Variants in SUPT3H observed in about 807,000 individuals in gnomAD.
SUPT3H encodes the protein SPT3 homolog, SAGA and STAGA complex component.
SUPT3H carries 44 observed loss-of-function variants against 44.3 expected under a neutral mutation model. The ratio of observed to expected loss-of-function variants is 0.99; its 90% CI spans 0.78 to 1.28. SUPT3H has a LOEUF of 1.28. SUPT3H is among the 50% of genes most tolerant of loss of function. The pLI is 0.00. For synonymous variants in SUPT3H, 124 were observed against 125.6 expected (o/e 0.99, Z 0.09); for missense variants, 380 against 387.1 (o/e 0.98, Z 0.15).
intron 3 of SUPT3H, among the ~76,000 whole-genome samples, chr6:45,023,359 A>T (rs1453003561): frequency 1.3e-5 from 2 of 152,074 alleles, no homozygotes; most frequent in Non-Finnish European, 2.9e-5. Context: ...ACCATTGTGG[A>T]AAGCGGTATG....
chr6:45,186,760 C>T (rs535596915), intron 2 of SUPT3H, among the ~76,000 whole-genome samples: 1 of 152,294 alleles, frequency 6.6e-6, no homozygotes, highest in Admixed American at 6.5e-5. Context: ...GATTTTCTGA[C>T]ATTCCCATGA....
chr6:45,146,302 A>G (rs1202728042), intron 2 of SUPT3H, among the ~76,000 whole-genome samples: 1 of 152,080 alleles, frequency 6.6e-6, no homozygotes, highest in African/African-American at 2.4e-5. Flanking sequence ...TAAAGAAAAT[A>G]TATGTATATA....
At chr6:45,186,087 G>A (rs1814160449) in intron 2 of SUPT3H, among the ~76,000 whole-genome samples, 1 of 152,182 alleles carries the variant, frequency 6.6e-6, no homozygotes, top group African/African-American at 2.4e-5. Flanking sequence ...GTGGGCTGAG[G>A]AGGTGAACAT....
At chr6:44,905,692 A>T (rs2153450572) in intron 10 of SUPT3H, among the ~76,000 whole-genome samples, 1 of 152,302 alleles carries the variant, frequency 6.6e-6, no homozygotes, top group South Asian at 2.1e-4. Flanking sequence ...AGGATTATAA[A>T]TCATGTTGCT....
rs149333768 is a variant in SUPT3H at position 44,867,338 on chromosome 6, T to C, written c.913-37481A>G. Among the ~76,000 whole-genome samples the C allele has an allele frequency of 6.2e-4, 94 of 152,080 alleles. No individual in the cohort carries two copies. In the East Asian group the frequency reaches 0.015, roughly 25 times the overall value. On this transcript the variant is annotated intron_variant, in intron 10 of 10. Transcript: ENST00000371459. ...AGTTAATTTTCATATTTTTAGTAGA[T>C]ACATGTTGGCCGGGCTGGTTTCGAA...
At chr6:44,870,480 T>A (rs560634023) in intron 10 of SUPT3H, among the ~76,000 whole-genome samples, 1 of 150,864 alleles carries the variant, frequency 6.6e-6, no homozygotes, top group African/African-American at 2.4e-5. Flanking sequence ...ACACCTGTAG[T>A]CCCAGCTACT....
chr6:45,014,878 C>CA lies in SUPT3H; in HGVS notation c.286_287insT (p.Arg96MetfsTer21). 2 of 1,561,968 alleles carry CA rather than the reference C, an allele frequency of 1.3e-6. No homozygotes were observed. The highest frequency in any genetic ancestry group is 1.7e-6 in the Non-Finnish European group (2 of 1,158,836). On this transcript the variant is annotated frameshift_variant, in exon 5 of 11. Transcript: ENST00000371459. LOFTEE classifies it high-confidence loss of function. ...TCGGATAAACATGTATTTTAGCAGT[C>CA]TTCTAAGTTTTTTCTATTAAAAATA...
intron 10 of SUPT3H, among the ~76,000 whole-genome samples, chr6:44,909,796 A>G (rs1323590074): frequency 6.6e-6 from 1 of 152,176 alleles, no homozygotes; most frequent in Non-Finnish European, 1.5e-5. Flanking sequence ...GGGCATTACA[A>G]GTCTTCAGGA....
At chr6:44,905,133 C>T (rs1394482481) in intron 10 of SUPT3H, among the ~76,000 whole-genome samples, 1 of 152,104 alleles carries the variant, frequency 6.6e-6, no homozygotes, top group Admixed American at 6.5e-5. Context: ...GTCTAAAACA[C>T]CAAAAGCAAT....
intron 3 of SUPT3H, among the ~76,000 whole-genome samples, chr6:45,069,875 C>G (rs986575891): frequency 6.6e-6 from 1 of 151,642 alleles, no homozygotes; most frequent in African/African-American, 2.4e-5. Context: ...AAAAAAAATA[C>G]ATTAGCTCCC....
At chr6:45,008,123 A>G (rs1321253441) in intron 5 of SUPT3H, among the ~76,000 whole-genome samples, 1 of 152,114 alleles carries the variant, frequency 6.6e-6, no homozygotes, top group Non-Finnish European at 1.5e-5. Context: ...ATTATCATGA[A>G]TGCTGCTGCT....
chr6:45,031,043 C>T (rs78145340), intron 3 of SUPT3H, among the ~76,000 whole-genome samples: 2,672 of 152,206 alleles, frequency 0.018, 52 homozygotes, highest in South Asian at 0.086. Flanking sequence ...TTTCCCAAAC[C>T]ATCTTGACTT....
intron 6 of SUPT3H, among the ~76,000 whole-genome samples, chr6:44,973,409 C>T (rs555820229): frequency 6.6e-6 from 1 of 152,322 alleles, no homozygotes; most frequent in South Asian, 2.1e-4. Context: ...TCATTGTTTA[C>T]ATTACTGTCA....
chr6:44,844,581 T>C (rs896069599), intron 10 of SUPT3H, among the ~76,000 whole-genome samples: 2 of 152,322 alleles, frequency 1.3e-5, no homozygotes, highest in Non-Finnish European at 2.9e-5. Context: ...TATTGATATA[T>C]GCAATAACAC....
At chr6:45,366,305 T>C (rs1203868733) in intron 1 of SUPT3H, among the ~76,000 whole-genome samples, 1 of 152,196 alleles carries the variant, frequency 6.6e-6, no homozygotes, top group Non-Finnish European at 1.5e-5. Context: ...GAATCCCAGC[T>C]CCGCTCCTTT....
intron 2 of SUPT3H, among the ~76,000 whole-genome samples, chr6:45,121,355 C>T (rs1280659177): frequency 2.0e-5 from 3 of 152,138 alleles, no homozygotes; most frequent in Non-Finnish European, 4.4e-5. Context: ...TCTGTATGTC[C>T]TGGGGACCAG....
intron 2 of SUPT3H, among the ~76,000 whole-genome samples, chr6:45,227,361 C>T (rs1767138350): frequency 1.3e-5 from 2 of 151,900 alleles, no homozygotes; most frequent in Admixed American, 1.3e-4. Context: ...TTGATGATTC[C>T]TTAACTCTGT....
intron 1 of SUPT3H, among the ~76,000 whole-genome samples, chr6:45,371,330 T>C (rs9472472): frequency 0.12 from 18,281 of 151,842 alleles, 1,259 homozygotes; most frequent in African/African-American, 0.19. Flanking sequence ...GGGGATTTAC[T>C]GTAGGCATGT....
intron 3 of SUPT3H, among the ~76,000 whole-genome samples, chr6:45,075,130 C>G (rs1794845936): frequency 6.6e-6 from 1 of 152,038 alleles, no homozygotes. Context: ...TAATATATTC[C>G]ATATCTTTTA....
Sources: allele counts gnomAD v4.1 joint callset (sites outside exome capture counted in the v4.1 genomes callset), GRCh38; gene constraint gnomAD v4.1.1; transcripts MANE v1.5; gene names NCBI Gene and HGNC (gene_info 2026-07-23, HGNC 2026-07-21).